Variants in CCDC141 observed in about 807,000 individuals in gnomAD.
The protein encoded by CCDC141 is coiled-coil domain containing 141.
Under a neutral mutation model 181.0 loss-of-function variants are expected in CCDC141, and 168 were observed. The ratio of observed to expected loss-of-function variants is 0.93; its 90% CI spans 0.82 to 1.05. CCDC141 has a LOEUF of 1.05. Among genes scored for constraint, CCDC141 ranks in the 50% least tolerant of loss-of-function variants. The probability of loss-of-function intolerance (pLI) is 0.00; values close to 1 mark genes in which losing one functional copy is unlikely to be tolerated. For synonymous variants in CCDC141, 666 were observed against 642.3 expected (o/e 1.04, Z -0.56); for missense variants, 1,902 against 1,788.5 (o/e 1.06, Z -1.14).
At chr2:178,854,472 C>A (rs576434004) in intron 19 of CCDC141, among the ~76,000 whole-genome samples, 1 of 152,192 alleles carries the variant, frequency 6.6e-6, no homozygotes, top group East Asian at 1.9e-4. Context: ...TGCAGTGAGT[C>A]GAGATCACGT....
chr2:178,951,267 T>C (rs1218248356), intron 5 of CCDC141, among the ~76,000 whole-genome samples: 2 of 152,234 alleles, frequency 1.3e-5, no homozygotes, highest in Non-Finnish European at 2.9e-5. Flanking sequence ...CAGCCAATTA[T>C]ATTCACTGTG....
chr2:178,885,142 C>T, intron 10 of CCDC141, 50 bp from the exon 11 acceptor site: 1 of 1,297,834 alleles, frequency 7.7e-7, no homozygotes, highest in Non-Finnish European at 1.1e-6. Flanking sequence ...GAATCATGAA[C>T]ATTCACGTTT....
chr2:178,975,251 A>G (rs1691069274), intron 3 of CCDC141, 86 bp from the exon 4 acceptor site: 1 of 648,084 alleles, frequency 1.5e-6, no homozygotes, highest in Non-Finnish European at 2.6e-6. Flanking sequence ...TGTTTTTCAT[A>G]AATTAGTAGC....
At chr2:179,025,411 C>T (rs530766116) in intron 2 of CCDC141, among the ~76,000 whole-genome samples, 33 of 152,080 alleles carry the variant, frequency 2.2e-4, no homozygotes, top group African/African-American at 8.0e-4. Context: ...ATGACTCTCA[C>T]GAGATCTGAT....
intron 23 of CCDC141, among the ~76,000 whole-genome samples, chr2:178,835,270 T>A (rs2154365582): frequency 6.6e-6 from 1 of 152,340 alleles, no homozygotes; most frequent in African/African-American, 2.4e-5. Flanking sequence ...CCTGATGAGA[T>A]CACTTCATTT....
At chr2:178,827,236 T>A (rs1207376586), downstream of CCDC141, among the ~76,000 whole-genome samples, 1 of 152,154 alleles carries the variant, frequency 6.6e-6, no homozygotes. Flanking sequence ...ACTATTCTTT[T>A]AAATTTTTAA....
At chr2:179,002,446 A>G in intron 2 of CCDC141, 1 of 389,108 alleles carries the variant, frequency 2.6e-6, no homozygotes, top group Non-Finnish European at 5.1e-6. Flanking sequence ...ACGCCTCATC[A>G]CTTGGGGCCC....
chr2:179,000,825 A>T (rs2041948123), intron 2 of CCDC141, among the ~76,000 whole-genome samples: 1 of 152,214 alleles, frequency 6.6e-6, no homozygotes, highest in Non-Finnish European at 1.5e-5. Flanking sequence ...GGCTTGATGC[A>T]ATTGCTACAT....
chr2:178,866,139 G>A (rs1313852923), intron 16 of CCDC141, among the ~76,000 whole-genome samples: 3 of 152,180 alleles, frequency 2.0e-5, no homozygotes, highest in Admixed American at 6.5e-5. Context: ...CTCTAGTGTT[G>A]AAGATTCGCT....
chr2:178,903,507 CA>C (rs1419565031), intron 8 of CCDC141, among the ~76,000 whole-genome samples: 4 of 148,008 alleles, frequency 2.7e-5, no homozygotes. Flanking sequence ...ATCGCAAGAA[CA>C]AAAAACCAAA....
chr2:178,849,958 C>T, intron 21 of CCDC141, 91 bp downstream of exon 21: 1 of 697,262 alleles, frequency 1.4e-6, no homozygotes, highest in Non-Finnish European at 2.5e-6. Flanking sequence ...CTGAGAAATT[C>T]TGTTAAAATG....
chr2:178,931,190 G>A (rs989628910), intron 6 of CCDC141, among the ~76,000 whole-genome samples: 3 of 152,180 alleles, frequency 2.0e-5, no homozygotes, highest in Admixed American at 6.5e-5. Context: ...TGAAGAGGAT[G>A]TAGAGAAATT....
rs1462553571 is a variant in CCDC141 at position 178,989,424 on chromosome 2, T to C, written c.226-10749A>G. ...GCCTGGCCAACATGTTGAAACTCCATCTCTACTAAAAATTCAAAAATTAGC... is the reference window on the plus strand; with the variant it reads ...GCCTGGCCAACATGTTGAAACTCCACCTCTACTAAAAATTCAAAAATTAGC... On this transcript the variant is annotated intron_variant, in intron 2 of 23. Transcript: ENST00000443758. Among the ~76,000 whole-genome samples, 7 of 151,530 alleles carry C rather than the reference T, an allele frequency of 4.6e-5. No individual in the cohort carries two copies. In the East Asian group the frequency reaches 5.8e-4, roughly 13 times the overall value.
At chr2:178,852,822 G>T (rs1287263418) in intron 20 of CCDC141, among the ~76,000 whole-genome samples, 1 of 140,060 alleles carries the variant, frequency 7.1e-6, no homozygotes, top group Non-Finnish European at 1.6e-5. Context: ...CTTCTTAAAT[G>T]GGGGGCCTCT....
At chr2:178,927,978 T>C (rs139488550) in intron 6 of CCDC141, among the ~76,000 whole-genome samples, 124 of 152,304 alleles carry the variant, frequency 8.1e-4, no homozygotes, top group African/African-American at 2.7e-3. Context: ...TTTGGACTAG[T>C]TGTTATGGGG....
chr2:178,863,254 T>C (rs528545929), intron 17 of CCDC141, among the ~76,000 whole-genome samples: 1 of 152,200 alleles, frequency 6.6e-6, no homozygotes, highest in African/African-American at 2.4e-5. Context: ...AAAATGAACA[T>C]ACTGAACTGG....
intron 8 of CCDC141, among the ~76,000 whole-genome samples, chr2:178,889,945 A>C (rs13423687): frequency 6.6e-6 from 1 of 152,236 alleles, no homozygotes; most frequent in South Asian, 2.1e-4. Flanking sequence ...ATAATTCTAC[A>C]AAAGCAGTGT....
intron 2 of CCDC141, among the ~76,000 whole-genome samples, chr2:179,033,650 C>T (rs2043059924): frequency 6.6e-6 from 1 of 152,128 alleles, no homozygotes; most frequent in Non-Finnish European, 1.5e-5. Context: ...GAGTTTTGTC[C>T]TGTCTGTCTA....
At chr2:178,841,127 C>G (rs1354520674) in intron 22 of CCDC141, among the ~76,000 whole-genome samples, 1 of 152,156 alleles carries the variant, frequency 6.6e-6, no homozygotes, top group African/African-American at 2.4e-5. Context: ...TGTCCTACCT[C>G]CTCTGTCCAT....
Sources: gnomAD v4.1 joint callset for allele counts (sites outside exome capture counted in the v4.1 genomes callset) on GRCh38, gnomAD v4.1.1 for gene constraint, MANE v1.5 for transcripts, NCBI Gene and HGNC (gene_info 2026-07-23, HGNC 2026-07-21) for gene names.